IL23R: variants seen among roughly 807,000 people sequenced by gnomAD.
IL23R encodes the protein interleukin-23 receptor.
In IL23R, 34 loss-of-function variants were observed where a neutral mutation model predicts 56.9. The observed-to-expected ratio is 0.60, with a 90% CI of 0.45 to 0.80. IL23R has a LOEUF of 0.80. IL23R is among the 30% of genes least tolerant of loss of function. The pLI is 0.00. For synonymous variants in IL23R, 230 were observed against 249.2 expected, an observed-to-expected ratio of 0.92 and a Z score of 0.73; for missense variants, 635 against 730.0, an observed-to-expected ratio of 0.87 and a Z score of 1.50.
chr1:67,247,574 G>A (rs10889673), intron 9 of IL23R, among the ~76,000 whole-genome samples: 43,257 of 152,010 alleles, frequency 0.28, 7,313 homozygotes, highest in East Asian at 0.72. Flanking sequence ...AAAGTGCTGG[G>A]ATTACAGGCA....
intron 1 of IL23R, among the ~76,000 whole-genome samples, chr1:67,151,642 A>AGGG (rs1646729326): frequency 6.6e-6 from 1 of 152,122 alleles, no homozygotes; most frequent in Admixed American, 6.6e-5. Context: ...GTGTAAGGAA[A>AGGG]GGGTCCAGTT....
At chr1:67,257,883 T>C (rs1653036478) in intron 10 of IL23R, among the ~76,000 whole-genome samples, 1 of 152,052 alleles carries the variant, frequency 6.6e-6, no homozygotes, top group African/African-American at 2.4e-5. Flanking sequence ...TTTGTATTTT[T>C]AGTAGAGACA....
intron 10 of IL23R, among the ~76,000 whole-genome samples, chr1:67,257,162 T>A (rs1052845457): frequency 6.6e-6 from 1 of 152,200 alleles, no homozygotes; most frequent in Non-Finnish European, 1.5e-5. Context: ...CTCCTGGAAT[T>A]AGAGGCAAAC....
chr1:67,188,046 C>T (rs1363304184), intron 4 of IL23R, among the ~76,000 whole-genome samples: 5 of 151,826 alleles, frequency 3.3e-5, no homozygotes, highest in Non-Finnish European at 7.4e-5. Context: ...AGTGAGACTC[C>T]ATCTCAAAAA....
chr1:67,211,517 G>A lies in IL23R; in HGVS notation c.798+4462G>A, dbSNP rs548019056. Among the ~76,000 whole-genome samples the A allele has an allele frequency of 1.5e-3, 226 of 152,122 alleles. 1 individual carries two copies. Among genetic ancestry groups the A allele is most frequent in the Non-Finnish European group, 1.9e-3 (131 of 68,018 alleles). On this transcript the variant is annotated intron_variant, in intron 6 of 10. Transcript: ENST00000347310. ...GTGTGCCTGTAATCCCAGCTACTCA[G>A]AAGGCTGAGGCAAGAGAATCGCTTG...
chr1:67,143,809 G>A (rs550032759), intron 1 of IL23R, among the ~76,000 whole-genome samples: 28 of 152,272 alleles, frequency 1.8e-4, no homozygotes, highest in Non-Finnish European at 3.5e-4. Context: ...AATCTAGGCA[G>A]GACATCAGCA....
chr1:67,190,776 C>T (rs1006370008), intron 4 of IL23R, among the ~76,000 whole-genome samples: 4 of 152,130 alleles, frequency 2.6e-5, no homozygotes, highest in South Asian at 2.1e-4. Flanking sequence ...GGGATTTTCA[C>T]GCACCGTAGA....
chr1:67,178,727 C>T (rs1186978768), intron 3 of IL23R, among the ~76,000 whole-genome samples: 1 of 152,184 alleles, frequency 6.6e-6, no homozygotes, highest in Non-Finnish European at 1.5e-5. Context: ...CCAGTTTTTG[C>T]CCATTCAGAT....
chr1:67,169,693 G>A (rs1646917881), intron 3 of IL23R, 55 bp downstream of exon 3: 14 of 1,450,882 alleles, frequency 9.6e-6, no homozygotes, highest in Non-Finnish European at 1.4e-5. Flanking sequence ...ACAATTAACT[G>A]GTCATTACCA....
chr1:67,206,065 T>C (rs1649029762), intron 5 of IL23R, among the ~76,000 whole-genome samples: 1 of 151,650 alleles, frequency 6.6e-6, no homozygotes. Context: ...CAGGCTGGAG[T>C]GCAGTGGCAT....
chr1:67,210,640 T>C (rs1041485270), intron 6 of IL23R, among the ~76,000 whole-genome samples: 4 of 152,070 alleles, frequency 2.6e-5, no homozygotes, highest in Non-Finnish European at 5.9e-5. Flanking sequence ...TTTATTTTTA[T>C]TTTTATTTTT....
intron 7 of IL23R, among the ~76,000 whole-genome samples, chr1:67,225,485 C>G (rs1650550943): frequency 6.6e-6 from 1 of 151,050 alleles, no homozygotes; most frequent in African/African-American, 2.4e-5. Flanking sequence ...ATAGTAGGGT[C>G]TGTGGACAAT....
At chr1:67,167,551 A>C (rs1345230785) in intron 1 of IL23R, among the ~76,000 whole-genome samples, 1 of 152,154 alleles carries the variant, frequency 6.6e-6, no homozygotes, top group African/African-American at 2.4e-5. Context: ...GGCAGGGAGA[A>C]GAATTCATCA....
At chr1:67,189,641 G>A (rs1647596352) in intron 4 of IL23R, among the ~76,000 whole-genome samples, 1 of 152,110 alleles carries the variant, frequency 6.6e-6, no homozygotes, top group African/African-American at 2.4e-5. Flanking sequence ...AAACTAATGA[G>A]TTGAAAAAAA....
intron 9 of IL23R, among the ~76,000 whole-genome samples, chr1:67,253,727 G>A: frequency 6.6e-6 from 1 of 152,052 alleles, no homozygotes; most frequent in Non-Finnish European, 1.5e-5. Context: ...GAAGTCCCTT[G>A]AAATATTTTA....
intron 8 of IL23R, among the ~76,000 whole-genome samples, chr1:67,239,113 T>C (rs1422916167): frequency 6.6e-6 from 1 of 152,134 alleles, no homozygotes; most frequent in Admixed American, 6.5e-5. Flanking sequence ...TCAACTATCT[T>C]CTATATTTGA....
intron 7 of IL23R, among the ~76,000 whole-genome samples, chr1:67,222,205 C>G (rs1456552908): frequency 7.0e-6 from 1 of 142,010 alleles, no homozygotes; most frequent in Non-Finnish European, 1.5e-5. Flanking sequence ...CAACCTCCAC[C>G]TCCTGGGTTC....
At chr1:67,261,541 A>G (rs1653205927), downstream of IL23R, among the ~76,000 whole-genome samples, 1 of 152,072 alleles carries the variant, frequency 6.6e-6, no homozygotes, top group African/African-American at 2.4e-5. Flanking sequence ...TCTGAAAGGA[A>G]TATATTTTAA....
intron 7 of IL23R, among the ~76,000 whole-genome samples, chr1:67,223,459 GTTCTC>G: frequency 6.6e-6 from 1 of 152,246 alleles, no homozygotes; most frequent in Admixed American, 6.5e-5. Flanking sequence ...ACCATAGACT[GTTCTC>G]TTGGTACAAA....
Sources: gnomAD v4.1 joint callset for allele counts (sites outside exome capture counted in the v4.1 genomes callset) on GRCh38, gnomAD v4.1.1 for gene constraint, MANE v1.5 for transcripts, NCBI Gene and HGNC (gene_info 2026-07-23, HGNC 2026-07-21) for gene names.